The following SLC22A4 variants were observed in gnomAD, a reference collection of about 807,000 sequenced individuals.
SLC22A4 encodes ET transporter.
SLC22A4 carries 39 observed loss-of-function variants against 56.6 expected under a neutral mutation model. The observed-to-expected ratio is 0.69, with a 90% CI of 0.53 to 0.90. The LOEUF (loss-of-function observed/expected upper bound fraction) is 0.90. Among genes scored for constraint, SLC22A4 ranks in the 40% least tolerant of loss-of-function variants. SLC22A4 has a pLI of 0.00. For missense variants in SLC22A4, 594 were observed against 696.5 expected, an observed-to-expected ratio of 0.85 and a Z score of 1.66; for synonymous variants, 241 against 281.4, an observed-to-expected ratio of 0.86 and a Z score of 1.44.
At chr5:132,326,794 T>C (rs961198975) in intron 4 of SLC22A4, among the ~76,000 whole-genome samples, 3 of 152,252 alleles carry the variant, frequency 2.0e-5, no homozygotes, top group Non-Finnish European at 4.4e-5. Flanking sequence ...ACTTTCTCTT[T>C]TGACTAAAGG....
chr5:132,302,209 C>T (rs1749921073), intron 1 of SLC22A4, among the ~76,000 whole-genome samples: 1 of 152,110 alleles, frequency 6.6e-6, no homozygotes, highest in Non-Finnish European at 1.5e-5. Context: ...GCTTCACCTG[C>T]ACCTCCTGCC....
At chr5:132,341,244 C>T (rs2126746037) in intron 9 of SLC22A4, among the ~76,000 whole-genome samples, 1 of 151,960 alleles carries the variant, frequency 6.6e-6, no homozygotes, top group Middle Eastern at 3.4e-3. Context: ...ATGGTGAAAC[C>T]CTGTCTCTAC....
intron 3 of SLC22A4, among the ~76,000 whole-genome samples, chr5:132,321,910 A>AAAT (rs945095175): frequency 1.6e-4 from 24 of 151,768 alleles, no homozygotes; most frequent in Non-Finnish European, 2.2e-4. Context: ...TTTGTCTCAA[A>AAAT]AATAATAATA....
intron 9 of SLC22A4, among the ~76,000 whole-genome samples, chr5:132,342,330 C>T (rs1440442951): frequency 6.6e-6 from 1 of 152,176 alleles, no homozygotes; most frequent in Non-Finnish European, 1.5e-5. Flanking sequence ...CAGAAGAAGT[C>T]ACTTCAGTGT....
intron 4 of SLC22A4, among the ~76,000 whole-genome samples, chr5:132,322,820 C>T (rs1310157047): frequency 1.3e-5 from 2 of 152,148 alleles, no homozygotes; most frequent in East Asian, 1.9e-4. Flanking sequence ...TGCTATGTCT[C>T]GAAGAGTGAG....
At chr5:132,336,604 A>C (rs1423041586) in intron 8 of SLC22A4, among the ~76,000 whole-genome samples, 2 of 152,220 alleles carry the variant, frequency 1.3e-5, no homozygotes, top group Admixed American at 1.3e-4. Context: ...TTTAAACTTA[A>C]CATTGTATCA....
At chr5:132,341,947 C>CA (rs397780145) in intron 9 of SLC22A4, among the ~76,000 whole-genome samples, 11,047 of 144,724 alleles carry the variant, frequency 0.076, 534 homozygotes, top group East Asian at 0.28. Context: ...ACTCCGTCTC[C>CA]AAAAAAAAAA....
intron 3 of SLC22A4, among the ~76,000 whole-genome samples, chr5:132,318,924 C>A (rs1176327171): frequency 6.6e-6 from 1 of 152,116 alleles, no homozygotes; most frequent in Non-Finnish European, 1.5e-5. Context: ...TGTTTCACTG[C>A]CACATGGAAA....
At position 132,335,947 on chromosome 5, in the gene SLC22A4, C is replaced by T. The variant is rs754367405; in HGVS notation, c.1391C>T (p.Thr464Ile). Residue 464 changes from threonine (T) to isoleucine (I), a missense_variant, in exon 8 of 10, where the codon ACA becomes ATA. Physicochemically the swap from Thr to Ile is moderately conservative, Grantham distance 89 (BLOSUM62 -1). Coordinates refer to ENST00000200652, the MANE Select transcript of SLC22A4 (RefSeq NM_003059.3). ...GTCAGGAACATGGCGGTGGGGGTCA[C>T]ATCCACGGCCTCCAGAGTGGGCAGC... ...TLVRNMAVGV[T>I]STASRVGSII... 11 of 1,614,072 alleles carry T rather than the reference C, an allele frequency of 6.8e-6. No homozygotes were observed. In the Admixed American group the frequency reaches 1.0e-4, roughly 15 times the overall value.
Position 132,294,542 on chromosome 5 carries a change from C to T in SLC22A4, c.-75C>T, listed in dbSNP as rs1340437056. 74 of 1,604,938 alleles carry T rather than the reference C, an allele frequency of 4.6e-5. No individual in the cohort carries two copies. The highest frequency in any genetic ancestry group is 6.0e-5 in the Non-Finnish European group (71 of 1,174,596). On this transcript the variant is annotated 5_prime_UTR_variant, in exon 1 of 10. Transcript: ENST00000200652. This position sits in a 1 kb window ranked among gnomAD's most constrained non-coding sequence, Gnocchi z 5.6. ...AACGTTCTAACATCCTTGGGGAGCGCCCCAGCTACAAGACACTGTCCTGAG... is the reference window on the plus strand; with the variant it reads ...AACGTTCTAACATCCTTGGGGAGCGTCCCAGCTACAAGACACTGTCCTGAG...
Position 132,313,786 on chromosome 5 carries a change from G to A in SLC22A4, c.652+18G>A, listed in dbSNP as rs1750254142. The A allele has an allele frequency of 1.9e-6, 3 of 1,613,276 alleles. No individual in the cohort carries two copies. The highest frequency in any genetic ancestry group is 2.5e-6 in the Non-Finnish European group (3 of 1,179,332). On this transcript the variant is annotated intron_variant, in intron 3 of 9. Coordinates refer to ENST00000200652, the MANE Select transcript of SLC22A4 (RefSeq NM_003059.3). ...CATACTAGGTAGGAATGGCTTCTGG[G>A]ACATGGGGTGCTTCCCTCTAACCCT...
intron 9 of SLC22A4, among the ~76,000 whole-genome samples, chr5:132,341,047 CA>C (rs769153061): frequency 6.7e-5 from 10 of 150,120 alleles, no homozygotes; most frequent in Non-Finnish European, 1.5e-4. Flanking sequence ...ACCCAGGAGG[CA>C]GAGGTTGCAG....
intron 1 of SLC22A4, among the ~76,000 whole-genome samples, chr5:132,299,292 C>G (rs1257566435): frequency 3.3e-5 from 5 of 152,170 alleles, no homozygotes; most frequent in Non-Finnish European, 7.3e-5. Flanking sequence ...GTGCATTCGT[C>G]TGTGTGTGTA....
intron 1 of SLC22A4, among the ~76,000 whole-genome samples, chr5:132,308,728 C>T (rs1750105830): frequency 6.6e-6 from 1 of 152,156 alleles, no homozygotes; most frequent in African/African-American, 2.4e-5. Flanking sequence ...GCTCACTCTG[C>T]TCTGTTGTGA....
chr5:132,327,216 A>C lies in SLC22A4; in HGVS notation c.825-61A>C, dbSNP rs1750713855. 5.3e-6 allele frequency: 7 copies of C among 1,319,546 alleles called. No individual in the cohort carries two copies. The Admixed American group carries it at 1.7e-4, about 31-fold the overall frequency. 81.7% of individuals were successfully genotyped at this position (1,319,546 alleles called of 1,614,324 possible). On this transcript the variant is annotated intron_variant, in intron 4 of 9. Coordinates refer to ENST00000200652, the MANE Select transcript of SLC22A4 (RefSeq NM_003059.3). ...TTAAAACTATTTGGGGGAAACTCAG[A>C]TTTAATAGTATCCAGCCCTGCTGTT...
intron 7 of SLC22A4, 47 bp from the exon 8 acceptor site, chr5:132,335,771 G>A: frequency 6.9e-7 from 1 of 1,459,502 alleles, no homozygotes; most frequent in Non-Finnish European, 9.6e-7. Flanking sequence ...ATATAAGAAA[G>A]TATCACTTCT....
intron 4 of SLC22A4, chr5:132,324,341 G>A (rs1266230879): frequency 2.8e-5 from 10 of 356,830 alleles, no homozygotes; most frequent in East Asian, 1.5e-4. Context: ...AGCGAGGAAC[G>A]AACAGCTCTG....
chr5:132,307,830 C>T (rs970640366), intron 1 of SLC22A4, among the ~76,000 whole-genome samples: 2 of 151,986 alleles, frequency 1.3e-5, no homozygotes, highest in African/African-American at 2.4e-5. Context: ...GCAGGTCAGA[C>T]GGGGTTCACT....
intron 4 of SLC22A4, among the ~76,000 whole-genome samples, chr5:132,325,288 T>C (rs544731141): frequency 2.0e-5 from 3 of 152,354 alleles, no homozygotes; most frequent in African/African-American, 7.2e-5. Context: ...CATGCAGCTA[T>C]TTAAGTTAAA....
Sources: allele counts gnomAD v4.1 joint callset (sites outside exome capture counted in the v4.1 genomes callset), GRCh38; gene constraint gnomAD v4.1.1; non-coding constraint Gnocchi (gnomAD v3.1); transcripts MANE v1.5; gene names NCBI Gene and HGNC (gene_info 2026-07-23, HGNC 2026-07-21).